The following SOX6 variants were observed in gnomAD, a reference collection of about 807,000 sequenced individuals.
SOX6 encodes the protein SRY-box transcription factor 6.
A neutral mutation model predicts 97.8 loss-of-function variants in SOX6; 11 were observed. The ratio of observed to expected loss-of-function variants is 0.11; its 90% CI spans 0.07 to 0.19. SOX6 has a LOEUF of 0.19. Ranked by LOEUF, SOX6 falls within the 10% of genes least tolerant of loss-of-function variation. The pLI is 1.00. For missense variants in SOX6, 810 were observed against 1,039.5 expected (o/e 0.78, Z 3.04); for synonymous variants, 360 against 371.4 (o/e 0.97, Z 0.35).
intron 6 of SOX6, among the ~76,000 whole-genome samples, chr11:16,168,947 C>T (rs1469938096): frequency 6.6e-6 from 1 of 152,152 alleles, no homozygotes; most frequent in Non-Finnish European, 1.5e-5. Context: ...ATGCCACACA[C>T]AGCTACCATG....
intron 4 of SOX6, among the ~76,000 whole-genome samples, chr11:16,219,058 C>A (rs1425379133): frequency 2.0e-4 from 31 of 152,062 alleles, no homozygotes; most frequent in Admixed American, 2.0e-3. Context: ...ACGTGCTAGG[C>A]ACTCATGGAA....
intron 12 of SOX6, among the ~76,000 whole-genome samples, chr11:16,043,658 A>G (rs1165526778): frequency 1.3e-5 from 2 of 152,148 alleles, no homozygotes; most frequent in African/African-American, 4.8e-5. Context: ...TATGATATAT[A>G]CAAAGACTGT....
At chr11:16,738,115 A>G (rs1848408191) in intron 1 of SOX6, among the ~76,000 whole-genome samples, 1 of 151,952 alleles carries the variant, frequency 6.6e-6, no homozygotes, top group Non-Finnish European at 1.5e-5. Flanking sequence ...AACATACTGA[A>G]CTCATTTCTG....
At chr11:16,020,370 C>A (rs1855017599) in intron 12 of SOX6, among the ~76,000 whole-genome samples, 1 of 152,046 alleles carries the variant, frequency 6.6e-6, no homozygotes, top group Admixed American at 6.6e-5. Flanking sequence ...ACTGTCCTCC[C>A]CAGTCCTTCT....
At chr11:16,728,446 A>G (rs1039867272) in intron 2 of SOX6, among the ~76,000 whole-genome samples, 1 of 152,202 alleles carries the variant, frequency 6.6e-6, no homozygotes, top group Non-Finnish European at 1.5e-5. Flanking sequence ...CAGGGTCTGG[A>G]GTGGACCTCC....
At chr11:16,343,361 A>G (rs1856691016) in intron 1 of SOX6, among the ~76,000 whole-genome samples, 1 of 151,932 alleles carries the variant, frequency 6.6e-6, no homozygotes, top group African/African-American at 2.4e-5. Flanking sequence ...TACTTCCCTC[A>G]ACAAACATCC....
intron 15 of SOX6, 25 bp from the exon 16 acceptor site, chr11:15,973,137 C>G (rs1360776540): frequency 3.7e-6 from 6 of 1,611,604 alleles, no homozygotes; most frequent in Non-Finnish European, 5.1e-6. Flanking sequence ...GAAACAAAAT[C>G]AGACAAGGGA....
intron 3 of SOX6, among the ~76,000 whole-genome samples, chr11:16,674,477 T>G (rs1291526854): frequency 6.6e-6 from 1 of 152,206 alleles, no homozygotes; most frequent in Non-Finnish European, 1.5e-5. Flanking sequence ...GCCTTTTATC[T>G]TTAATCTGAA....
chr11:16,178,577 C>T (rs1851259183), intron 6 of SOX6, among the ~76,000 whole-genome samples: 1 of 151,904 alleles, frequency 6.6e-6, no homozygotes, highest in Non-Finnish European at 1.5e-5. Flanking sequence ...AAGCTAGGGG[C>T]TAATCCTAGA....
intron 3 of SOX6, among the ~76,000 whole-genome samples, chr11:16,639,530 A>G (rs1049647921): frequency 6.6e-6 from 1 of 152,132 alleles, no homozygotes; most frequent in African/African-American, 2.4e-5. Flanking sequence ...CACGATATTG[A>G]TTCTTCCTAC....
chr11:16,318,663 T>C lies in SOX6; in HGVS notation c.238-10A>G, dbSNP rs746349478. Reference sequence around the variant, plus strand: ...TATTATTCTCTGATTCCTAGAAAAATAAAATAAAATAAAACCATTAGAATA... The same window carrying C: ...TATTATTCTCTGATTCCTAGAAAAACAAAATAAAATAAAACCATTAGAATA... On this transcript the variant is annotated splice_polypyrimidine_tract_variant and intron_variant, in intron 2 of 15. Transcript: ENST00000683767. 1.2e-6 allele frequency: 2 copies of C among 1,604,712 alleles called. No individual in the cohort carries two copies. Among genetic ancestry groups the C allele is most frequent in the African/African-American group, 1.3e-5 (1 of 74,550 alleles).
chr11:16,178,193 A>G (rs1247410430), intron 6 of SOX6, among the ~76,000 whole-genome samples: 1 of 151,984 alleles, frequency 6.6e-6, no homozygotes, highest in East Asian at 1.9e-4. Context: ...ACAGTCTAGC[A>G]TGACTAATGT....
At chr11:16,311,268 A>C in intron 3 of SOX6, 1 of 152,224 alleles carries the variant, frequency 6.6e-6, no homozygotes, top group Middle Eastern at 3.4e-3. Context: ...AGTTTCTTCA[A>C]ATAATAACAG....
chr11:16,701,480 A>G (rs1357763561), intron 3 of SOX6, among the ~76,000 whole-genome samples: 1 of 152,184 alleles, frequency 6.6e-6, no homozygotes, highest in African/African-American at 2.4e-5. Context: ...TAGAATTGAC[A>G]TATGTTCATG....
At chr11:16,529,125 T>C (rs373895536) in intron 4 of SOX6, among the ~76,000 whole-genome samples, 3 of 152,104 alleles carry the variant, frequency 2.0e-5, no homozygotes, top group African/African-American at 7.2e-5. Flanking sequence ...AATATTAACA[T>C]ACTATAATAG....
At chr11:15,986,151 T>G (rs1445844304) in intron 15 of SOX6, 53 bp downstream of exon 15, 2 of 1,499,672 alleles carry the variant, frequency 1.3e-6, no homozygotes, top group African/African-American at 2.8e-5. Context: ...AGCCATCCTA[T>G]AGTTACTTAC....
Position 16,289,882 on chromosome 11 carries a change from G to C in SOX6, c.445+28564C>G, listed in dbSNP as rs543595330. ...TACTCATCTTCAAGAAAAAAATACA[G>C]TGATGAAAATGGACTTCAAGTATTG... On this transcript the variant is annotated intron_variant, in intron 3 of 15. Transcript: ENST00000683767. 8.0e-4 allele frequency among the ~76,000 whole-genome samples: 121 copies of C among 152,102 alleles called. 1 individual carries two copies. In the South Asian group the frequency reaches 0.024, roughly 31 times the overall value.
chr11:16,421,836 T>G (rs533401456), intron 1 of SOX6, among the ~76,000 whole-genome samples: 1 of 152,370 alleles, frequency 6.6e-6, no homozygotes, highest in Non-Finnish European at 1.5e-5. Flanking sequence ...AGAATCAGTT[T>G]ACTGTTAGAG....
At chr11:16,335,777 AAC>A (rs1856440845) in intron 2 of SOX6, among the ~76,000 whole-genome samples, 3 of 152,152 alleles carry the variant, frequency 2.0e-5, no homozygotes, top group Admixed American at 2.0e-4. Context: ...CCAAGTGAAA[AAC>A]ACAAAACACT....
Sources: allele counts gnomAD v4.1 joint callset (sites outside exome capture counted in the v4.1 genomes callset), GRCh38; gene constraint gnomAD v4.1.1; transcripts MANE v1.5; gene names NCBI Gene and HGNC (gene_info 2026-07-23, HGNC 2026-07-21).